The following MAP2K5 variants were observed in gnomAD, a reference collection of about 807,000 sequenced individuals.
MAP2K5 encodes dual specificity mitogen-activated protein kinase kinase 5.
MAP2K5 carries 49 observed loss-of-function variants against 83.1 expected under a neutral mutation model. That is an observed-to-expected ratio of 0.59 (90% CI 0.47 to 0.75). The LOEUF is 0.75. Among genes scored for constraint, MAP2K5 ranks in the 30% least tolerant of loss-of-function variants. The pLI, the probability that MAP2K5 is intolerant of heterozygous loss-of-function variation, is 0.00. For synonymous variants in MAP2K5, 202 were observed against 191.8 expected (o/e 1.05, Z -0.44); for missense variants, 457 against 557.5 (o/e 0.82, Z 1.82).
chr15:67,671,259 G>A (rs2087527312), intron 13 of MAP2K5, among the ~76,000 whole-genome samples: 1 of 152,096 alleles, frequency 6.6e-6, no homozygotes, highest in Non-Finnish European at 1.5e-5. Context: ...AAAAGGGAGG[G>A]GAGAATTTCC....
chr15:67,567,644 G>A (rs781743439), intron 3 of MAP2K5, among the ~76,000 whole-genome samples: 7 of 152,124 alleles, frequency 4.6e-5, no homozygotes, highest in South Asian at 2.1e-4. Flanking sequence ...GATTACAGGC[G>A]TGAGCCACCG....
In MAP2K5 at chr15:67,708,225, A is replaced by G. The variant is rs1339916571; in HGVS notation, c.1044+4817A>G. 3.3e-5 allele frequency among the ~76,000 whole-genome samples: 5 copies of G among 151,940 alleles called. No individual in the cohort carries two copies. The highest frequency in any genetic ancestry group is 7.4e-5 in the Non-Finnish European group (5 of 67,992). On this transcript the variant is annotated intron_variant, in intron 16 of 21. Transcript: ENST00000178640. This position sits in a 1 kb window ranked among gnomAD's most constrained non-coding sequence, Gnocchi z 4.9. ...ATAGTCCTTGCTATGTGGCAGGCTG[A>G]GGCAGGAAAATTGCTAGAGCCTAGG...
In MAP2K5 at chr15:67,677,022, A is replaced by G. The variant is rs1470539626; in HGVS notation, c.847+12377A>G. 6.6e-6 allele frequency among the ~76,000 whole-genome samples: 1 copy of G among 152,232 alleles called. No individual in the cohort carries two copies. Among genetic ancestry groups the G allele is most frequent in the Non-Finnish European group, 1.5e-5 (1 of 68,032 alleles). The stretch of plus-strand genomic sequence containing the variant: ...TTCTCAAGAAAAGAAGCAAGAGGTT[A>G]AATGAGAGGGAATAGTTAGAACGTT... On this transcript the variant is annotated intron_variant, in intron 13 of 21. Transcript: ENST00000178640. The surrounding 1 kb of genome is among the most constrained non-coding windows in gnomAD (Gnocchi z 4.2).
chr15:67,708,228 C>A lies in MAP2K5; in HGVS notation c.1044+4820C>A, dbSNP rs2141222154. The stretch of plus-strand genomic sequence containing the variant: ...GTCCTTGCTATGTGGCAGGCTGAGG[C>A]AGGAAAATTGCTAGAGCCTAGGAGT... On this transcript the variant is annotated intron_variant, in intron 16 of 21. Coordinates refer to ENST00000178640, the MANE Select transcript of MAP2K5 (RefSeq NM_145160.3). This position sits in a 1 kb window ranked among gnomAD's most constrained non-coding sequence, Gnocchi z 4.9. Among the ~76,000 whole-genome samples the A allele has an allele frequency of 6.6e-6, 1 of 151,568 alleles. No individual in the cohort carries two copies. The highest frequency in any genetic ancestry group is 1.9e-4 in the East Asian group (1 of 5,156).
chr15:67,743,332 C>T (rs1308003267), intron 17 of MAP2K5, among the ~76,000 whole-genome samples: 3 of 152,168 alleles, frequency 2.0e-5, no homozygotes, highest in Non-Finnish European at 2.9e-5. Flanking sequence ...TGAAAATATA[C>T]TAATAGACCC....
At chr15:67,675,930 G>T (rs976095040) in intron 13 of MAP2K5, among the ~76,000 whole-genome samples, 1 of 152,166 alleles carries the variant, frequency 6.6e-6, no homozygotes, top group African/African-American at 2.4e-5. Context: ...GAAAGACGTC[G>T]TGTGTCATTC....
At chr15:67,733,969 C>G (rs1251805934) in intron 17 of MAP2K5, among the ~76,000 whole-genome samples, 1 of 152,178 alleles carries the variant, frequency 6.6e-6, no homozygotes, top group Non-Finnish European at 1.5e-5. Context: ...TGCTTCAGAA[C>G]CTCCTGCTAT....
chr15:67,641,600 T>G (rs1365880336), intron 9 of MAP2K5: 1 of 995,404 alleles, frequency 1.0e-6, no homozygotes, highest in Non-Finnish European at 1.2e-6. Context: ...ATATTTAACT[T>G]GACAACTCAT....
chr15:67,554,594 C>T (rs2084586711), intron 2 of MAP2K5, among the ~76,000 whole-genome samples: 1 of 152,142 alleles, frequency 6.6e-6, no homozygotes, highest in Non-Finnish European at 1.5e-5. Context: ...TCAATGAAAC[C>T]TCCGGTGATT....
intron 4 of MAP2K5, among the ~76,000 whole-genome samples, chr15:67,585,224 T>A (rs891213786): frequency 6.6e-6 from 1 of 152,176 alleles, no homozygotes; most frequent in Non-Finnish European, 1.5e-5. Context: ...TTTTTAACAT[T>A]TGTTGAAGAA....
chr15:67,594,779 C>A (rs1056574767), intron 7 of MAP2K5, among the ~76,000 whole-genome samples: 5 of 151,768 alleles, frequency 3.3e-5, no homozygotes, highest in African/African-American at 4.8e-5. Flanking sequence ...TAAGGATTAG[C>A]CTTTCTTACA....
At chr15:67,605,086 C>T (rs1228657638) in intron 8 of MAP2K5, among the ~76,000 whole-genome samples, 1 of 148,998 alleles carries the variant, frequency 6.7e-6, no homozygotes, top group Non-Finnish European at 1.5e-5. Flanking sequence ...CAGAGTCTCG[C>T]TCTGTCGCCA....
At chr15:67,566,463 A>C (rs1253278575) in intron 3 of MAP2K5, among the ~76,000 whole-genome samples, 1 of 152,202 alleles carries the variant, frequency 6.6e-6, no homozygotes, top group African/African-American at 2.4e-5. Context: ...GGCATGAGCC[A>C]CCATACCCGG....
chr15:67,692,409 T>C, intron 13 of MAP2K5, 70 bp from the exon 14 acceptor site: 1 of 1,034,236 alleles, frequency 9.7e-7, no homozygotes, highest in Non-Finnish European at 1.5e-6. Context: ...GGTGTGCATG[T>C]GTGCTTTTAA....
At chr15:67,657,536 A>G (rs2087114723) in intron 11 of MAP2K5, among the ~76,000 whole-genome samples, 1 of 152,116 alleles carries the variant, frequency 6.6e-6, no homozygotes, top group East Asian at 1.9e-4. Flanking sequence ...AGGGTGGTTC[A>G]GTTCATATCA....
chr15:67,575,739 G>A (rs1397755695), intron 3 of MAP2K5, among the ~76,000 whole-genome samples: 1 of 152,086 alleles, frequency 6.6e-6, no homozygotes, highest in Non-Finnish European at 1.5e-5. Context: ...AAATAGAGGT[G>A]ATGATACTTA....
intron 17 of MAP2K5, among the ~76,000 whole-genome samples, chr15:67,734,257 T>C (rs2089290323): frequency 6.6e-6 from 1 of 152,354 alleles, no homozygotes; most frequent in Admixed American, 6.5e-5. Context: ...TTTTATTATA[T>C]GCAATCCATA....
chr15:67,589,862 T>G (rs2085361069), intron 6 of MAP2K5, among the ~76,000 whole-genome samples: 1 of 152,066 alleles, frequency 6.6e-6, no homozygotes, highest in Admixed American at 6.6e-5. Flanking sequence ...CTTAGAGGTC[T>G]GTATTTTAGT....
Position 67,793,890 on chromosome 15 carries a change from A to G in MAP2K5, c.1243-12756A>G, listed in dbSNP as rs769357999. Among the ~76,000 whole-genome samples the G allele has an allele frequency of 1.3e-5, 2 of 152,220 alleles. No homozygotes were observed. The highest frequency in any genetic ancestry group is 2.9e-5 in the Non-Finnish European group (2 of 68,042). ...AAAGAGTCATGAATGTGCCAGGGAA[A>G]GTCCTTAGGTTCTAAAACCAGACTT... On this transcript the variant is annotated intron_variant, in intron 21 of 21. Transcript: ENST00000178640. This position sits in a 1 kb window ranked among gnomAD's most constrained non-coding sequence, Gnocchi z 4.6.
Sources: gnomAD v4.1 joint callset for allele counts (sites outside exome capture counted in the v4.1 genomes callset) on GRCh38, gnomAD v4.1.1 for gene constraint, Gnocchi (gnomAD v3.1) non-coding constraint, MANE v1.5 for transcripts, NCBI Gene and HGNC (gene_info 2026-07-23, HGNC 2026-07-21) for gene names.